LNPEP: variants seen among roughly 807,000 people sequenced by gnomAD.
LNPEP encodes leucyl and cystinyl aminopeptidase, also known as leucyl-cystinyl aminopeptidase.
Under a neutral mutation model 120.6 loss-of-function variants are expected in LNPEP, and 64 were observed. The observed-to-expected ratio is 0.53, with a 90% CI of 0.43 to 0.65. The LOEUF (loss-of-function observed/expected upper bound fraction) is 0.65, where lower values mean the gene tolerates loss of function less well. Ranked by LOEUF, LNPEP falls within the 30% of genes least tolerant of loss-of-function variation. LNPEP has a pLI of 0.00. For missense variants in LNPEP, 1,057 were observed against 1,200.0 expected (o/e 0.88, Z 1.76); for synonymous variants, 435 against 425.4 (o/e 1.02, Z -0.28).
intron 1 of LNPEP, among the ~76,000 whole-genome samples, chr5:96,956,194 C>T (rs1224611815): frequency 3.3e-5 from 5 of 152,192 alleles, no homozygotes; most frequent in Non-Finnish European, 7.3e-5. Flanking sequence ...CAGGCTTATA[C>T]AAAGATATAT....
At position 97,032,057 on chromosome 5, in the gene LNPEP, G is replaced by A. The variant is rs546326009; in HGVS notation, c.*3524G>A. ...CCATGTTTCATGGGGCTTCAGGGAA[G>A]GCAAATACATCTGAGATGAGCCACC... On this transcript the variant is annotated 3_prime_UTR_variant, in exon 18 of 18. Coordinates refer to ENST00000231368, the MANE Select transcript of LNPEP (RefSeq NM_005575.3). 6.6e-6 allele frequency: 1 copy of A among 152,246 alleles called. No individual in the cohort carries two copies. The highest frequency in any genetic ancestry group is 2.1e-4 in the South Asian group (1 of 4,810). The allele number at this position is 152,246 out of a possible 1,614,324, so 9.4% of individuals were successfully genotyped here.
In LNPEP at chr5:96,989,783, G is replaced by A. The variant is rs186061125; in HGVS notation, c.1131+3113G>A. Among the ~76,000 whole-genome samples, 464 of 152,102 alleles carry A rather than the reference G, an allele frequency of 3.1e-3. 3 individuals are homozygous for A. Among genetic ancestry groups the A allele is most frequent in the Non-Finnish European group, 4.8e-3 (324 of 68,000 alleles). On this transcript the variant is annotated intron_variant, in intron 4 of 17. Coordinates refer to ENST00000231368, the MANE Select transcript of LNPEP (RefSeq NM_005575.3). The stretch of plus-strand genomic sequence containing the variant: ...GTAATGACCAGATTATTTATCTCTC[G>A]TAAGAACTCATTACAGATGTTCTTT...
At chr5:96,985,306 G>T (rs773074572) in intron 3 of LNPEP, 88 bp downstream of exon 3, 1 of 1,085,718 alleles carries the variant, frequency 9.2e-7, no homozygotes, top group Non-Finnish European at 1.3e-6. Context: ...GACTACAGTT[G>T]AGAATGATTA....
At chr5:97,015,515 A>G (rs1455830866) in intron 13 of LNPEP, among the ~76,000 whole-genome samples, 2 of 152,130 alleles carry the variant, frequency 1.3e-5, no homozygotes, top group African/African-American at 4.8e-5. Flanking sequence ...ACTGATAACT[A>G]TCTAAAGGAT....
rs1229098344 is a variant in LNPEP, at chr5:97,013,784, T to C, written c.2172T>C (p.Ser724=). Reference sequence around the variant, plus strand: ...TGAAAATAAATCCTTATGTTCTGAGTGACAAAGACCGAGCCAACCTTATCA... The same window carrying C: ...TGAAAATAAATCCTTATGTTCTGAGCGACAAAGACCGAGCCAACCTTATCA... ...HQLKINPYVL[S]DKDRANLINN... The change falls in exon 12 of 18, where the codon AGT becomes AGC. Residue 724 remains serine, a synonymous_variant. Coordinates refer to ENST00000231368, the MANE Select transcript of LNPEP (RefSeq NM_005575.3). 6.2e-7 allele frequency: 1 copy of C among 1,611,254 alleles called. No individual in the cohort carries two copies. Among genetic ancestry groups the C allele is most frequent in the South Asian group, 1.1e-5 (1 of 90,290 alleles).
intron 1 of LNPEP, among the ~76,000 whole-genome samples, chr5:96,946,131 T>A (rs190907207): frequency 1.5e-4 from 23 of 152,372 alleles, no homozygotes; most frequent in Admixed American, 3.3e-4. Flanking sequence ...TGGCCCCCTC[T>A]TATTAGTAGT....
At chr5:96,982,392 C>T (rs1354228102) in intron 2 of LNPEP, among the ~76,000 whole-genome samples, 1 of 152,180 alleles carries the variant, frequency 6.6e-6, no homozygotes, top group East Asian at 1.9e-4. Flanking sequence ...AAAGAATAAG[C>T]TTCAAGTTAT....
At chr5:96,957,655 A>T (rs1789501750) in intron 1 of LNPEP, among the ~76,000 whole-genome samples, 1 of 152,228 alleles carries the variant, frequency 6.6e-6, no homozygotes, top group Non-Finnish European at 1.5e-5. Flanking sequence ...GAATGTAAGC[A>T]GTTTCTAGAA....
chr5:97,021,928 T>G (rs866927061), intron 13 of LNPEP, among the ~76,000 whole-genome samples: 4 of 133,764 alleles, frequency 3.0e-5, no homozygotes, highest in East Asian at 2.1e-4. Context: ...CTTTTGTTTT[T>G]TTTTTTTTTT....
At chr5:97,001,540 A>C (rs1790649438) in intron 8 of LNPEP, among the ~76,000 whole-genome samples, 1 of 152,198 alleles carries the variant, frequency 6.6e-6, no homozygotes. Flanking sequence ...CTGATTAGAT[A>C]TATAAATCAG....
Position 96,979,275 on chromosome 5 carries a change from C to G in LNPEP, c.157C>G (p.Leu53Val), listed in dbSNP as rs758631713. The change falls in exon 2 of 18, where the codon CTG becomes GTG. Residue 53 changes from leucine to valine, a missense_variant. Transcript: ENST00000231368. ...EVEYEPRGSRLLVRGLGEHEM... is the reference protein window; with the variant it reads ...EVEYEPRGSRVLVRGLGEHEM... ...GGAATATGAGCCCCGGGGTTCCCGA[C>G]TGCTGGTGCGGGGTCTTGGTGAGCA... 4.3e-6 allele frequency: 7 copies of G among 1,613,992 alleles called. No homozygotes were observed. Among genetic ancestry groups the G allele is most frequent in the South Asian group, 3.3e-5 (3 of 91,086 alleles).
intron 1 of LNPEP, among the ~76,000 whole-genome samples, chr5:96,942,077 T>C (rs1313594909): frequency 6.6e-6 from 1 of 152,130 alleles, no homozygotes; most frequent in Non-Finnish European, 1.5e-5. Context: ...AAGATTGGCA[T>C]TTGGGAGCCT....
In LNPEP at chr5:96,954,996, A is replaced by G. The variant is rs542710339; in HGVS notation, c.19+18822A>G. The stretch of plus-strand genomic sequence containing the variant: ...ACGGGGTTTCACCGTGTTAGCCAGG[A>G]TGGTCTCCATCTCCTGACCTCGTGA... On this transcript the variant is annotated intron_variant, in intron 1 of 17. Coordinates refer to ENST00000231368, the MANE Select transcript of LNPEP (RefSeq NM_005575.3). Among the ~76,000 whole-genome samples, 185 of 149,330 alleles carry G rather than the reference A, an allele frequency of 1.2e-3. 2 individuals are homozygous for G. Among genetic ancestry groups the G allele is most frequent in the African/African-American group, 4.4e-3 (181 of 40,946 alleles).
rs752934409 is a variant in LNPEP at position 97,020,083 on chromosome 5, C to T, written c.2377-2217C>T. Among the ~76,000 whole-genome samples the T allele has an allele frequency of 2.6e-5, 4 of 152,310 alleles. No individual in the cohort carries two copies. In the South Asian group the frequency reaches 8.3e-4, roughly 32 times the overall value. On this transcript the variant is annotated intron_variant, in intron 13 of 17. Transcript: ENST00000231368. ...TTTGAAACAAACACAAGCGAGTTGA[C>T]ATGTTATACAAACCTTGAGTTCTTT...
At position 97,024,507 on chromosome 5, in the gene LNPEP, C is replaced by T. The variant is rs1463808908; in HGVS notation, c.2562-14C>T. On this transcript the variant is annotated splice_polypyrimidine_tract_variant and intron_variant, in intron 14 of 17. Coordinates refer to ENST00000231368, the MANE Select transcript of LNPEP (RefSeq NM_005575.3). Reference sequence around the variant, plus strand: ...TTTTCTTGTTATTCTCATGTTTGACCACCTCTCTTACAGCCTACCTACTGA... The same window carrying T: ...TTTTCTTGTTATTCTCATGTTTGACTACCTCTCTTACAGCCTACCTACTGA... 1 of 1,608,542 alleles carries T rather than the reference C, an allele frequency of 6.2e-7. No individual in the cohort carries two copies. The highest frequency in any genetic ancestry group is 8.5e-7 in the Non-Finnish European group (1 of 1,177,320).
chr5:97,026,694 AT>A lies in LNPEP; in HGVS notation c.2805del (p.Pro936LeufsTer74). 1 of 1,613,492 alleles carries A rather than the reference AT, an allele frequency of 6.2e-7. No homozygotes were observed. The highest frequency in any genetic ancestry group is 8.5e-7 in the Non-Finnish European group (1 of 1,179,390). ...TTTATCATTAGAACAGTGGGTCGACATTTTCCTGGACACTTACTGGCATGGG... is the reference window on the plus strand; with the variant it reads ...TTTATCATTAGAACAGTGGGTCGACATTTCCTGGACACTTACTGGCATGGG... ...LSFIIRTVGR[H>X]FPGHLLAWDF... On this transcript the variant is annotated frameshift_variant, in exon 16 of 18. Coordinates refer to ENST00000231368, the MANE Select transcript of LNPEP (RefSeq NM_005575.3). LOFTEE classifies it high-confidence loss of function.
At chr5:96,938,105 A>C (rs1788962975) in intron 1 of LNPEP, among the ~76,000 whole-genome samples, 1 of 152,256 alleles carries the variant, frequency 6.6e-6, no homozygotes, top group African/African-American at 2.4e-5. Flanking sequence ...TTTCAGGTTT[A>C]AGATGGACAG....
At position 97,031,246 on chromosome 5, in the gene LNPEP, A is replaced by G. The variant is rs1266094030; in HGVS notation, c.*2713A>G. 1 of 151,864 alleles carries G rather than the reference A, an allele frequency of 6.6e-6. No homozygotes were observed. Among genetic ancestry groups the G allele is most frequent in the Admixed American group, 6.6e-5 (1 of 15,212 alleles). 9.4% of individuals were successfully genotyped at this position (151,864 alleles called of 1,614,324 possible). Reference sequence around the variant, plus strand: ...TATGCTTTGGAGATCTAAAAAAGTTATGAATGTAGGAATTAGATAAGTCCA... The same window carrying G: ...TATGCTTTGGAGATCTAAAAAAGTTGTGAATGTAGGAATTAGATAAGTCCA... On this transcript the variant is annotated 3_prime_UTR_variant, in exon 18 of 18. Transcript: ENST00000231368.
chr5:96,976,138 C>T (rs1049133844), intron 1 of LNPEP, among the ~76,000 whole-genome samples: 1 of 152,052 alleles, frequency 6.6e-6, no homozygotes, highest in African/African-American at 2.4e-5. Context: ...ATCAAATCAA[C>T]ATTTTCTTAA....
Sources: allele counts gnomAD v4.1 joint callset (sites outside exome capture counted in the v4.1 genomes callset), GRCh38; gene constraint gnomAD v4.1.1; transcripts MANE v1.5; gene names NCBI Gene and HGNC (gene_info 2026-07-23, HGNC 2026-07-21).